TGFBR3: variants seen among roughly 807,000 people sequenced by gnomAD.
The protein encoded by TGFBR3 is transforming growth factor beta receptor 3.
In TGFBR3, 46 loss-of-function variants were observed where a neutral mutation model predicts 87.9. The observed-to-expected ratio is 0.52, with a 90% confidence interval of 0.41 to 0.67. The LOEUF is 0.67. Among genes scored for constraint, TGFBR3 ranks in the 30% least tolerant of loss-of-function variants. The pLI is 0.00. For synonymous variants in TGFBR3, 381 were observed against 391.6 expected (o/e 0.97, Z 0.32); for missense variants, 866 against 1,041.9 (o/e 0.83, Z 2.32).
At chr1:91,806,069 G>A (rs1169298162) in intron 2 of TGFBR3, among the ~76,000 whole-genome samples, 1 of 152,166 alleles carries the variant, frequency 6.6e-6, no homozygotes, top group African/African-American at 2.4e-5. Flanking sequence ...CGGTTCACAC[G>A]TATCACCTTT....
chr1:91,844,299 T>G (rs1677396405), intron 2 of TGFBR3, among the ~76,000 whole-genome samples: 1 of 152,206 alleles, frequency 6.6e-6, no homozygotes, highest in South Asian at 2.1e-4. Flanking sequence ...TCAGTTTTCA[T>G]CATTATTAAT....
intron 16 of TGFBR3, among the ~76,000 whole-genome samples, chr1:91,694,742 C>T (rs1312763601): frequency 6.6e-6 from 1 of 152,156 alleles, no homozygotes; most frequent in Non-Finnish European, 1.5e-5. Context: ...CTGGGCCTGC[C>T]ACTTGCCTCT....
intron 16 of TGFBR3, among the ~76,000 whole-genome samples, chr1:91,694,871 A>G (rs932976500): frequency 2.0e-5 from 3 of 152,202 alleles, no homozygotes; most frequent in Non-Finnish European, 4.4e-5. Flanking sequence ...CGCAAAATGC[A>G]TGTCACTCCT....
rs117943219 is a variant in TGFBR3, at chr1:91,841,210, A to G, written c.61+20261T>C. On this transcript the variant is annotated intron_variant, in intron 2 of 16. Coordinates refer to ENST00000212355, the MANE Select transcript of TGFBR3 (RefSeq NM_003243.5). Reference sequence around the variant, plus strand: ...TTCACATCAAATGGTGTTCCATGAAAAACAGACCAGATCAGCTCACAACTC... The same window carrying G: ...TTCACATCAAATGGTGTTCCATGAAGAACAGACCAGATCAGCTCACAACTC... Among the ~76,000 whole-genome samples the G allele has an allele frequency of 2.2e-4, 33 of 152,330 alleles. No homozygotes were observed. The East Asian group carries it at 5.8e-3, about 27-fold the overall frequency.
chr1:91,890,409 C>CTTTTTTTTTTTTTTTTTTTTTTTTTT (rs1175619952), upstream of TGFBR3, among the ~76,000 whole-genome samples: 3 of 60,364 alleles, frequency 5.0e-5, 1 homozygote, highest in African/African-American at 7.0e-5. Context: ...TCTCTATAAT[C>CTTTTTTTTTTTTTTTTTTTTTTTTTT]TTTTTTTTTT....
At chr1:91,885,452 A>G (rs1487719640) in intron 1 of TGFBR3, among the ~76,000 whole-genome samples, 1 of 152,094 alleles carries the variant, frequency 6.6e-6, no homozygotes, top group Non-Finnish European at 1.5e-5. Context: ...TCCGTGCACG[A>G]GTCCGGGAGC....
chr1:91,746,257 C>G lies in TGFBR3; in HGVS notation c.385-11298G>C, dbSNP rs183788519. Among the ~76,000 whole-genome samples, 100 of 152,262 alleles carry G rather than the reference C, an allele frequency of 6.6e-4. 2 individuals carry two copies. The East Asian group carries it at 0.018, about 27-fold the overall frequency. On this transcript the variant is annotated intron_variant, in intron 4 of 16. Transcript: ENST00000212355. ...CAGTACATGTGAGTGTGTATATACA[C>G]AAAGAGAAGCAAAAGATGTCTTTCC...
At chr1:91,886,390 C>T (rs1238178380), upstream of TGFBR3, 2 of 336,720 alleles carry the variant, frequency 5.9e-6, no homozygotes, top group Non-Finnish European at 1.2e-5. Context: ...CCTGTGCTTC[C>T]CTTCGGGACG....
intron 2 of TGFBR3, 132 bp from the exon 3 acceptor site, chr1:91,797,603 G>T: frequency 1.1e-6 from 1 of 903,060 alleles, no homozygotes; most frequent in Non-Finnish European, 1.8e-6. Flanking sequence ...AGACTAAGTG[G>T]CCAAAAAGCT....
chr1:91,710,702 A>C (rs1339625162), intron 13 of TGFBR3, among the ~76,000 whole-genome samples: 1 of 152,162 alleles, frequency 6.6e-6, no homozygotes, highest in African/African-American at 2.4e-5. Flanking sequence ...ATACTGTCCT[A>C]TTTGCTCCTC....
chr1:91,695,459 G>A lies in TGFBR3; in HGVS notation c.2437+213C>T, dbSNP rs542204829. On this transcript the variant is annotated intron_variant, in intron 16 of 16. Transcript: ENST00000212355. The stretch of plus-strand genomic sequence containing the variant: ...GCTAAATTTCACCAACATCACAATC[G>A]CAATTAGCACAGTTTAAACCTTCCT... The A allele has an allele frequency of 4.1e-5, 22 of 538,030 alleles. 1 individual carries two copies. The highest frequency in any genetic ancestry group is 2.3e-4 in the South Asian group (11 of 47,964). 33.3% of individuals were successfully genotyped at this position (538,030 alleles called of 1,614,324 possible).
intron 2 of TGFBR3, among the ~76,000 whole-genome samples, chr1:91,832,921 T>C (rs1676903169): frequency 1.3e-5 from 2 of 151,058 alleles, no homozygotes; most frequent in African/African-American, 4.9e-5. Flanking sequence ...TGCAGGAGAA[T>C]CACTTGAACC....
chr1:91,727,869 CTCTTCCAAG>C (rs1289180781), intron 6 of TGFBR3, 63 bp from the exon 7 acceptor site: 13 of 1,586,748 alleles, frequency 8.2e-6, no homozygotes, highest in African/African-American at 1.3e-5. Context: ...ACTATCTCCC[CTCTTCCAAG>C]TCTTCATGTT....
chr1:91,875,634 T>C (rs72716472), intron 1 of TGFBR3, among the ~76,000 whole-genome samples: 12,951 of 151,932 alleles, frequency 0.085, 615 homozygotes, highest in African/African-American at 0.13. Flanking sequence ...ACGTCTATAT[T>C]CCCAGCATTT....
intron 2 of TGFBR3, among the ~76,000 whole-genome samples, chr1:91,830,910 G>A (rs1676839075): frequency 6.6e-6 from 1 of 152,144 alleles, no homozygotes; most frequent in Admixed American, 6.5e-5. Flanking sequence ...GTCCCACTTA[G>A]GTGGGAAACG....
At chr1:91,811,745 T>C (rs1360915300) in intron 2 of TGFBR3, among the ~76,000 whole-genome samples, 2 of 152,156 alleles carry the variant, frequency 1.3e-5, no homozygotes, top group Non-Finnish European at 2.9e-5. Context: ...CTGGGATAAA[T>C]GAGATACCTG....
rs1022892931 is a variant in TGFBR3, at chr1:91,885,406, C to T, written c.-114+472G>A. Among the ~76,000 whole-genome samples, 51 of 152,026 alleles carry T rather than the reference C, an allele frequency of 3.4e-4. 1 individual carries two copies. The highest frequency in any genetic ancestry group is 6.9e-4 in the Non-Finnish European group (47 of 67,984). On this transcript the variant is annotated intron_variant, in intron 1 of 16. Transcript: ENST00000212355. ...AGCTTGCGGCTCAGCCCGCAAGGCA[C>T]CCTGAGGGCGCGGCCAGCGGGGAAC...
intron 1 of TGFBR3, among the ~76,000 whole-genome samples, chr1:91,903,054 G>A (rs1384299918): frequency 4.0e-5 from 6 of 149,730 alleles, no homozygotes; most frequent in East Asian, 2.0e-4. Context: ...AATTGAGGCC[G>A]GGCATGGTGG....
chr1:91,880,529 C>G (rs60659146), intron 1 of TGFBR3, among the ~76,000 whole-genome samples: 2 of 151,934 alleles, frequency 1.3e-5, no homozygotes, highest in Admixed American at 6.6e-5. Context: ...ACCAGGGAGG[C>G]GGAGCTTGCA....
Sources: gnomAD v4.1 joint callset for allele counts (sites outside exome capture counted in the v4.1 genomes callset) on GRCh38, gnomAD v4.1.1 for gene constraint, MANE v1.5 for transcripts, NCBI Gene and HGNC (gene_info 2026-07-23, HGNC 2026-07-21) for gene names.